Variants in BOC observed in about 807,000 individuals in gnomAD.
BOC encodes the protein brother of CDO.
Under a neutral mutation model 112.0 loss-of-function variants are expected in BOC, and 76 were observed. The ratio of observed to expected loss-of-function variants is 0.68; its 90% CI spans 0.56 to 0.82. The LOEUF is 0.82. Ranked by LOEUF, BOC falls within the 40% of genes least tolerant of loss-of-function variation. The probability of loss-of-function intolerance (pLI) is 0.00; values close to 1 mark genes in which losing one functional copy is unlikely to be tolerated. For missense variants in BOC, 1,309 were observed against 1,511.7 expected (o/e 0.87, Z 2.22); for synonymous variants, 580 against 599.8 (o/e 0.97, Z 0.48).
chr3:113,280,704 G>C lies in BOC; in HGVS notation c.2311+41G>C, dbSNP rs1383678329. The stretch of plus-strand genomic sequence containing the variant: ...GTGTTTATAGCTTCTGCGTGATATA[G>C]TTTCCTCCGCTGGCATGGGGGACAA... On this transcript the variant is annotated intron_variant, in intron 14 of 19. Coordinates refer to ENST00000682979, the MANE Select transcript of BOC (RefSeq NM_001378074.1). 4.0e-6 allele frequency: 6 copies of C among 1,485,146 alleles called. No individual in the cohort carries two copies. The East Asian group carries it at 1.4e-4, about 34-fold the overall frequency. The allele number at this position is 1,485,146 out of a possible 1,614,324, so 92.0% of individuals were successfully genotyped here. A position where few individuals can be genotyped will look rare whatever the true frequency, so the allele number is the denominator to read the frequency against.
At position 113,274,591 on chromosome 3, in the gene BOC, C is replaced by T. The variant is rs1948471150; in HGVS notation, c.1451C>T (p.Ser484Phe). The part of the protein sequence containing the change: ...APIILSSPRT[S>F]KTDSYELVWR... ...ATCATCCTCAGCTCGCCCCGCACCT[C>T]CAAGACAGACTCATATGAACTGGTG... The change falls in exon 9 of 20, where the codon TCC becomes TTC. Residue 484 changes from serine (S) to phenylalanine (F), a missense_variant. Transcript: ENST00000682979. The surrounding 1 kb of genome is among the most constrained non-coding windows in gnomAD (Gnocchi z 4.8). The T allele has an allele frequency of 1.2e-6, 2 of 1,613,746 alleles. No individual in the cohort carries two copies. The highest frequency in any genetic ancestry group is 1.7e-6 in the Non-Finnish European group (2 of 1,180,020).
rs1948312610 is a variant in BOC at position 113,273,099 on chromosome 3, AGCTGGTCATCCCC to A, written c.993_1005del (p.Gln331HisfsTer23). On this transcript the variant is annotated frameshift_variant, in exon 8 of 20. Transcript: ENST00000682979. LOFTEE classifies it high-confidence loss of function. ...CCTGAGGTCACCATGGAGCTATCCC[AGCTGGTCATCCCC>A]TGGGGCCAGAGTGCCAAGCTTACCT... 3.1e-6 allele frequency: 5 copies of A among 1,608,914 alleles called. No homozygotes were observed. The highest frequency in any genetic ancestry group is 4.3e-6 in the Non-Finnish European group (5 of 1,175,920).
At chr3:113,214,073 G>A (rs1205048975) in intron 1 of BOC, among the ~76,000 whole-genome samples, 1 of 152,204 alleles carries the variant, frequency 6.6e-6, no homozygotes, top group Non-Finnish European at 1.5e-5. Flanking sequence ...TAGGCCACTG[G>A]CTTTACTTGG....
chr3:113,281,555 G>T (rs889427976), intron 15 of BOC, among the ~76,000 whole-genome samples: 2 of 152,224 alleles, frequency 1.3e-5, no homozygotes, highest in Non-Finnish European at 2.9e-5. Context: ...CATGCAGCCG[G>T]TTAGGGGTAG....
At chr3:113,267,729 G>A (rs1347600472) in intron 4 of BOC, among the ~76,000 whole-genome samples, 2 of 152,208 alleles carry the variant, frequency 1.3e-5, no homozygotes, top group African/African-American at 4.8e-5. Flanking sequence ...ACCTGGGAAG[G>A]CTGTTCTTTT....
At chr3:113,235,493 T>C (rs1330056849) in intron 2 of BOC, among the ~76,000 whole-genome samples, 2 of 152,158 alleles carry the variant, frequency 1.3e-5, no homozygotes, top group African/African-American at 4.8e-5. Context: ...TGACCTACTG[T>C]ATGATGATGA....
intron 15 of BOC, among the ~76,000 whole-genome samples, chr3:113,281,932 C>G (rs866282996): frequency 1.3e-5 from 2 of 152,168 alleles, no homozygotes; most frequent in South Asian, 2.1e-4. Context: ...AGGGCAGATA[C>G]ATGCACAGCC....
rs1025199477 is a variant in BOC, at chr3:113,282,635, G to A, written c.2435-776G>A. On this transcript the variant is annotated intron_variant, in intron 15 of 19. Transcript: ENST00000682979. ...GGTCCGGGTGGGGAGATTGGTTTGC[G>A]GCTCTTTAGGATATAGGTAGAAGTC... Among the ~76,000 whole-genome samples the A allele has an allele frequency of 1.3e-5, 2 of 152,186 alleles. 1 individual carries two copies. Among genetic ancestry groups the A allele is most frequent in the South Asian group, 4.2e-4 (2 of 4,808 alleles).
At chr3:113,243,265 C>G (rs534520893) in intron 2 of BOC, among the ~76,000 whole-genome samples, 1 of 152,234 alleles carries the variant, frequency 6.6e-6, no homozygotes, top group African/African-American at 2.4e-5. Flanking sequence ...CAGAGCTGAC[C>G]CTTTTCAAGC....
intron 3 of BOC, among the ~76,000 whole-genome samples, chr3:113,250,210 A>G (rs908342575): frequency 1.3e-5 from 2 of 152,244 alleles, no homozygotes; most frequent in African/African-American, 2.4e-5. Flanking sequence ...TGCAAGACTC[A>G]TGACAACCTT....
chr3:113,268,168 C>T (rs1576462723), intron 4 of BOC, 131 bp from the exon 5 acceptor site: 10 of 1,386,610 alleles, frequency 7.2e-6, no homozygotes, highest in South Asian at 4.3e-5. Flanking sequence ...AGGAAGAACT[C>T]GGAGGATCCC....
intron 2 of BOC, among the ~76,000 whole-genome samples, chr3:113,225,644 G>A (rs1297704357): frequency 6.6e-6 from 1 of 152,244 alleles, no homozygotes; most frequent in Non-Finnish European, 1.5e-5. Context: ...TTGTGCCTAA[G>A]ACTGTGAATG....
chr3:113,246,588 G>T (rs962278757), intron 2 of BOC, among the ~76,000 whole-genome samples: 2 of 152,024 alleles, frequency 1.3e-5, no homozygotes, highest in African/African-American at 4.8e-5. Flanking sequence ...ACTTTCCCCA[G>T]ATACTAAATA....
At chr3:113,243,400 T>C (rs1944540673) in intron 2 of BOC, among the ~76,000 whole-genome samples, 1 of 152,222 alleles carries the variant, frequency 6.6e-6, no homozygotes, top group Admixed American at 6.5e-5. Context: ...ATACTAATCC[T>C]AAATAGGCGT....
At chr3:113,283,732 C>A in intron 16 of BOC, 100 bp downstream of exon 16, 4 of 1,159,574 alleles carry the variant, frequency 3.4e-6, no homozygotes, top group Non-Finnish European at 4.9e-6. Flanking sequence ...AAGCTCAAGC[C>A]CAAGTCCCCC....
Position 113,278,126 on chromosome 3 carries a change from T to C in BOC, c.1574T>C (p.Ile525Thr), listed in dbSNP as rs1458060712. 1.9e-6 allele frequency: 3 copies of C among 1,614,084 alleles called. No individual in the cohort carries two copies. Among genetic ancestry groups the C allele is most frequent in the Non-Finnish European group, 1.7e-6 (2 of 1,180,056 alleles). Reference protein sequence around the residue: ...QVTNSSDDWTISGIPANQHRL... With the variant: ...QVTNSSDDWTTSGIPANQHRL... ...ACAAATTCCTCTGACGATTGGACCA[T>C]CTCTGGCATTCCAGCCAACCAGCAC... The change falls in exon 10 of 20, where the codon ATC becomes ACC. Residue 525 changes from isoleucine to threonine, a missense_variant. Coordinates refer to ENST00000682979, the MANE Select transcript of BOC (RefSeq NM_001378074.1). The surrounding 1 kb of genome is among the most constrained non-coding windows in gnomAD (Gnocchi z 4.2).
intron 8 of BOC, among the ~76,000 whole-genome samples, chr3:113,273,575 C>G (rs905323751): frequency 7.9e-5 from 12 of 152,198 alleles, no homozygotes; most frequent in Admixed American, 7.8e-4. Flanking sequence ...TTGACAACCA[C>G]CACTCTAGTG....
chr3:113,267,408 C>G (rs1010860888), intron 4 of BOC, among the ~76,000 whole-genome samples: 1 of 152,100 alleles, frequency 6.6e-6, no homozygotes, highest in Non-Finnish European at 1.5e-5. Flanking sequence ...AGTTTAGATC[C>G]CATGGTGCCA....
rs2650100 is a variant in BOC, at chr3:113,279,421, G to A, written c.1989G>A (p.Ser663=). Residue 663 remains serine (S), a synonymous_variant, in exon 12 of 20, where the codon TCG becomes TCA. Transcript: ENST00000682979. ...WILATSAIPP[S]RLSVEITGLE... is the part of the protein sequence containing the mutation. Reference sequence around the variant, plus strand: ...TGGCCACCAGCGCCATCCCCCCATCGCGGCTGTCCGTGGAGATCACGGGCC... The same window carrying A: ...TGGCCACCAGCGCCATCCCCCCATCACGGCTGTCCGTGGAGATCACGGGCC... 281,762 of 1,613,878 alleles carry A rather than the reference G, an allele frequency of 0.17. 26,074 individuals carry two copies. The highest frequency in any genetic ancestry group is 0.31 in the African/African-American group (23,072 of 74,968).
Sources: gnomAD v4.1 joint callset for allele counts (sites outside exome capture counted in the v4.1 genomes callset) on GRCh38, gnomAD v4.1.1 for gene constraint, Gnocchi (gnomAD v3.1) non-coding constraint, MANE v1.5 for transcripts, NCBI Gene and HGNC (gene_info 2026-07-23, HGNC 2026-07-21) for gene names.